The following STK40 variants were observed in gnomAD, a reference collection of about 807,000 sequenced individuals.
The protein encoded by STK40 is serine/threonine-protein kinase 40.
Under a neutral mutation model 47.9 loss-of-function variants are expected in STK40, and 13 were observed. The observed-to-expected ratio is 0.27, with a 90% CI of 0.18 to 0.43. STK40 has a LOEUF of 0.43. Among genes scored for constraint, STK40 ranks in the 20% least tolerant of loss-of-function variants. The pLI, the probability that STK40 is intolerant of heterozygous loss-of-function variation, is 1.00. For missense variants in STK40, 460 were observed against 595.1 expected, an observed-to-expected ratio of 0.77 and a Z score of 2.36; for synonymous variants, 225 against 243.2, an observed-to-expected ratio of 0.93 and a Z score of 0.69.
intron 4 of STK40, among the ~76,000 whole-genome samples, chr1:36,357,397 G>A (rs547624880): frequency 1.3e-5 from 2 of 151,946 alleles, no homozygotes; most frequent in African/African-American, 2.4e-5. Flanking sequence ...GCTGAGGAAT[G>A]GGGCTGTTCC....
intron 7 of STK40, among the ~76,000 whole-genome samples, 194 bp downstream of exon 7, chr1:36,348,506 T>C (rs1166849941): frequency 6.6e-6 from 1 of 152,216 alleles, no homozygotes; most frequent in Non-Finnish European, 1.5e-5. Context: ...GAATTAAACA[T>C]GCATTCATGT....
chr1:36,384,328 C>G (rs1464537761), intron 1 of STK40, among the ~76,000 whole-genome samples: 4 of 152,246 alleles, frequency 2.6e-5, no homozygotes, highest in Non-Finnish European at 5.9e-5. Flanking sequence ...CGGCGCCCAG[C>G]CACTACTAGC....
chr1:36,365,137 T>C (rs1007132877), intron 1 of STK40, among the ~76,000 whole-genome samples: 4 of 152,116 alleles, frequency 2.6e-5, no homozygotes, highest in East Asian at 1.9e-4. Flanking sequence ...ATTACAGGCA[T>C]GTGCCACCAC....
chr1:36,352,380 G>A (rs1197943859), intron 6 of STK40, among the ~76,000 whole-genome samples: 1 of 152,140 alleles, frequency 6.6e-6, no homozygotes, highest in Non-Finnish European at 1.5e-5. Context: ...AATCTTCCCA[G>A]GAAGCCAGGA....
rs532245209 is a variant in STK40 at position 36,340,006 on chromosome 1, G to C, written c.*1749C>G. On this transcript the variant is annotated 3_prime_UTR_variant, in exon 11 of 11. Coordinates refer to ENST00000373132, the MANE Select transcript of STK40 (RefSeq NM_001282547.2). Reference sequence around the variant, plus strand: ...GGCCCTCACAGGAGGACAGTCAAGGGCTGGGAGCCCTAGGCCGGACTGCAT... The same window carrying C: ...GGCCCTCACAGGAGGACAGTCAAGGCCTGGGAGCCCTAGGCCGGACTGCAT... 2 of 152,450 alleles carry C rather than the reference G, an allele frequency of 1.3e-5. No homozygotes were observed. The highest frequency in any genetic ancestry group is 4.1e-4 in the South Asian group (2 of 4,828). 9.4% of individuals were successfully genotyped at this position (152,450 alleles called of 1,614,324 possible).
intron 1 of STK40, among the ~76,000 whole-genome samples, chr1:36,383,308 T>G (rs768616373): frequency 6.6e-6 from 1 of 152,264 alleles, no homozygotes; most frequent in African/African-American, 2.4e-5. Context: ...AAGCACAAGT[T>G]AGCAAACACA....
intron 1 of STK40, among the ~76,000 whole-genome samples, chr1:36,366,620 A>G (rs547003418): frequency 2.6e-5 from 4 of 152,078 alleles, no homozygotes; most frequent in African/African-American, 4.8e-5. Flanking sequence ...ACTCCTCTAG[A>G]GGGCCTGCTC....
intron 4 of STK40, 79 bp downstream of exon 4, chr1:36,358,160 A>T: frequency 6.8e-7 from 1 of 1,463,256 alleles, no homozygotes. Context: ...AGCTGCTCGT[A>T]TGGCTGTGGC....
At chr1:36,372,211 C>T (rs935249778) in intron 1 of STK40, among the ~76,000 whole-genome samples, 2 of 151,388 alleles carry the variant, frequency 1.3e-5, no homozygotes, top group African/African-American at 2.4e-5. Context: ...AGCCCGGGCA[C>T]GGTGGCTCAT....
chr1:36,381,501 GA>G (rs1647038958), intron 1 of STK40, among the ~76,000 whole-genome samples: 1 of 152,006 alleles, frequency 6.6e-6, no homozygotes, highest in Admixed American at 6.5e-5. Flanking sequence ...CTTTTTTTGA[GA>G]CAGGGTCTCA....
chr1:36,362,954 A>G (rs1295790217), intron 1 of STK40, among the ~76,000 whole-genome samples: 2 of 152,142 alleles, frequency 1.3e-5, no homozygotes, highest in Admixed American at 6.5e-5. Flanking sequence ...TCAGGAGTTC[A>G]AGGCCAGCCT....
chr1:36,379,411 T>TC (rs1647021247), intron 1 of STK40, among the ~76,000 whole-genome samples: 1 of 151,462 alleles, frequency 6.6e-6, no homozygotes, highest in African/African-American at 2.4e-5. Context: ...TTTTTTTTTT[T>TC]TTTGAAACGG....
At chr1:36,378,616 G>A (rs553081567) in intron 1 of STK40, among the ~76,000 whole-genome samples, 2 of 152,080 alleles carry the variant, frequency 1.3e-5, no homozygotes, top group Admixed American at 1.3e-4. Context: ...GCGCCACCAC[G>A]CCTGGCTAAT....
At chr1:36,371,447 G>C (rs1438365112) in intron 1 of STK40, among the ~76,000 whole-genome samples, 1 of 151,492 alleles carries the variant, frequency 6.6e-6, no homozygotes, top group Non-Finnish European at 1.5e-5. Context: ...CCAGCTACTC[G>C]GGAGGCTGAG....
intron 4 of STK40, among the ~76,000 whole-genome samples, chr1:36,357,935 T>G (rs920625900): frequency 1.7e-4 from 26 of 152,206 alleles, no homozygotes; most frequent in African/African-American, 6.0e-4. Context: ...TGTCTTTAAG[T>G]GACTTCTTGC....
chr1:36,355,375 T>A lies in STK40; in HGVS notation c.401A>T (p.Lys134Met). 1 of 1,614,208 alleles carries A rather than the reference T, an allele frequency of 6.2e-7. No individual in the cohort carries two copies. The highest frequency in any genetic ancestry group is 8.5e-7 in the Non-Finnish European group (1 of 1,180,044). The stretch of plus-strand genomic sequence containing the variant: ...GTCCAGGACGAGGCAGATGCGCTTC[T>A]TCATCTTCTTAACCATCCGGCTGGA... ...TESSRMVKKM[K>M]KRICLVLDCL... The change falls in exon 5 of 11, where the codon AAG becomes ATG. Residue 134 changes from lysine (K) to methionine (M), a missense_variant. This residue lies in a region of STK40 where 277 missense variants were observed against 358.7 expected (regional missense o/e 0.77). Coordinates refer to ENST00000373132, the MANE Select transcript of STK40 (RefSeq NM_001282547.2).
intron 1 of STK40, among the ~76,000 whole-genome samples, chr1:36,368,285 T>G (rs55884843): frequency 6.0e-5 from 9 of 149,406 alleles, no homozygotes; most frequent in African/African-American, 2.3e-4. Context: ...ATATATATAT[T>G]TTTTTTCGAG....
chr1:36,379,300 G>A (rs771574149), intron 1 of STK40, among the ~76,000 whole-genome samples: 10 of 151,942 alleles, frequency 6.6e-5, no homozygotes, highest in East Asian at 1.9e-4. Flanking sequence ...CTTTGAAACC[G>A]TCAGGCCTGT....
chr1:36,348,391 C>T (rs936635723), intron 7 of STK40, among the ~76,000 whole-genome samples: 1 of 152,216 alleles, frequency 6.6e-6, no homozygotes, highest in African/African-American at 2.4e-5. Flanking sequence ...TCCTAGTTTC[C>T]CTTAAGATCA....
Sources: allele counts gnomAD v4.1 joint callset (sites outside exome capture counted in the v4.1 genomes callset), GRCh38; gene constraint gnomAD v4.1.1; regional missense constraint gnomAD v4.1.1; transcripts MANE v1.5; gene names NCBI Gene and HGNC (gene_info 2026-07-23, HGNC 2026-07-21).